AFF3: variants seen among roughly 807,000 people sequenced by gnomAD.
AFF3 encodes ALF transcription elongation factor 3, also known as AF4/FMR2 family member 3.
In AFF3, 32 loss-of-function variants were observed where a neutral mutation model predicts 129.7. The observed-to-expected ratio is 0.25, with a 90% confidence interval of 0.19 to 0.33. AFF3 has a LOEUF of 0.33. Among genes scored for constraint, AFF3 ranks in the 10% least tolerant of loss-of-function variants. AFF3 has a pLI of 1.00. For missense variants in AFF3, 1,373 were observed against 1,592.0 expected, an observed-to-expected ratio of 0.86 and a Z score of 2.34; for synonymous variants, 644 against 635.4, an observed-to-expected ratio of 1.01 and a Z score of -0.20.
chr2:99,807,498 C>T (rs1686445070), intron 8 of AFF3, among the ~76,000 whole-genome samples: 1 of 152,048 alleles, frequency 6.6e-6, no homozygotes, highest in African/African-American at 2.4e-5. Context: ...ATATTGAGTC[C>T]CAATTCATAA....
chr2:100,051,100 C>T (rs1030218739), intron 4 of AFF3, among the ~76,000 whole-genome samples: 1 of 152,156 alleles, frequency 6.6e-6, no homozygotes, highest in African/African-American at 2.4e-5. Flanking sequence ...GATTTCTCCC[C>T]ACGGCAAAGC....
chr2:99,964,325 G>A (rs1216084173), intron 7 of AFF3, among the ~76,000 whole-genome samples: 2 of 152,230 alleles, frequency 1.3e-5, no homozygotes, highest in Admixed American at 6.5e-5. Context: ...TTCATGGAAC[G>A]AATGTTCATC....
intron 7 of AFF3, among the ~76,000 whole-genome samples, chr2:99,867,737 G>C (rs1340216893): frequency 6.6e-6 from 1 of 152,154 alleles, no homozygotes; most frequent in Non-Finnish European, 1.5e-5. Flanking sequence ...AAGCAGAGTG[G>C]AGTGGAGGGG....
chr2:99,921,850 C>T (rs958759818), intron 7 of AFF3, among the ~76,000 whole-genome samples: 3 of 152,064 alleles, frequency 2.0e-5, no homozygotes, highest in African/African-American at 4.8e-5. Flanking sequence ...AAAAACCACT[C>T]TGGTACTCAA....
intron 8 of AFF3, among the ~76,000 whole-genome samples, chr2:99,820,851 A>C (rs1225170645): frequency 1.4e-5 from 2 of 145,128 alleles, no homozygotes; most frequent in Non-Finnish European, 3.0e-5. Context: ...CATCAATATC[A>C]CTGTCTTCTC....
chr2:99,754,110 C>T (rs1047855355), intron 8 of AFF3, among the ~76,000 whole-genome samples: 1 of 152,182 alleles, frequency 6.6e-6, no homozygotes, highest in Non-Finnish European at 1.5e-5. Context: ...TACCTTGGCT[C>T]CCCCATAGGG....
intron 7 of AFF3, among the ~76,000 whole-genome samples, chr2:99,987,354 T>A (rs1004952551): frequency 6.6e-6 from 1 of 152,188 alleles, no homozygotes; most frequent in East Asian, 1.9e-4. Flanking sequence ...AGATGAGTGT[T>A]CAGCTCTCAA....
At chr2:99,756,972 C>G (rs1682154269) in intron 8 of AFF3, among the ~76,000 whole-genome samples, 1 of 152,236 alleles carries the variant, frequency 6.6e-6, no homozygotes, top group African/African-American at 2.4e-5. Context: ...CTTCTGTTGT[C>G]AAGGGCATTG....
At chr2:99,696,568 G>T (rs1271684286) in intron 11 of AFF3, among the ~76,000 whole-genome samples, 1 of 152,134 alleles carries the variant, frequency 6.6e-6, no homozygotes, top group African/African-American at 2.4e-5. Context: ...ATTAGACATG[G>T]TCTCTGGAAG....
rs1685296330 is a variant in AFF3 at position 100,040,079 on chromosome 2, T to A, written c.54-31147A>T. Among the ~76,000 whole-genome samples the A allele has an allele frequency of 2.6e-5, 4 of 152,362 alleles. No individual in the cohort carries two copies. In the East Asian group the frequency reaches 7.7e-4, roughly 29 times the overall value. On this transcript the variant is annotated intron_variant, in intron 4 of 24. Coordinates refer to ENST00000672756, the MANE Select transcript of AFF3 (RefSeq NM_001386135.1). ...AGGACTGCAAAACCCAGTAACAGCA[T>A]GTGCCATGCTTCCTCACTGGAATTT... is the stretch of plus-strand genomic sequence containing the variant.
chr2:99,934,688 G>A (rs1352300484), intron 7 of AFF3, among the ~76,000 whole-genome samples: 1 of 152,150 alleles, frequency 6.6e-6, no homozygotes, highest in East Asian at 1.9e-4. Flanking sequence ...CACTGGGAAG[G>A]GGCACTTCCA....
intron 4 of AFF3, among the ~76,000 whole-genome samples, chr2:100,039,815 T>C (rs1482006757): frequency 1.3e-5 from 2 of 152,288 alleles, no homozygotes; most frequent in South Asian, 2.1e-4. Flanking sequence ...CCTGAGGTGA[T>C]TGCCTGTCGC....
intron 4 of AFF3, among the ~76,000 whole-genome samples, chr2:100,036,133 C>CT (rs1194352297): frequency 1.5e-5 from 1 of 68,858 alleles, no homozygotes; most frequent in Non-Finnish European, 2.6e-5. Context: ...AAATACAGTG[C>CT]TAAAAAAAAA....
At chr2:99,885,135 C>T (rs1262749435) in intron 7 of AFF3, among the ~76,000 whole-genome samples, 1 of 152,204 alleles carries the variant, frequency 6.6e-6, no homozygotes, top group African/African-American at 2.4e-5. Flanking sequence ...GCCCTGCCCT[C>T]AGCCTTCTCA....
intron 7 of AFF3, among the ~76,000 whole-genome samples, chr2:99,841,731 A>G (rs1281204074): frequency 6.6e-6 from 1 of 152,204 alleles, no homozygotes; most frequent in Admixed American, 6.5e-5. Flanking sequence ...GCCATGGCTC[A>G]GAGAAGTGAA....
At chr2:99,913,291 T>C (rs1695234648) in intron 7 of AFF3, among the ~76,000 whole-genome samples, 1 of 152,214 alleles carries the variant, frequency 6.6e-6, no homozygotes, top group Non-Finnish European at 1.5e-5. Context: ...TATTCTGATA[T>C]TGATCAAATA....
intron 10 of AFF3, among the ~76,000 whole-genome samples, chr2:99,743,236 C>T (rs984983107): frequency 5.3e-5 from 8 of 152,196 alleles, no homozygotes; most frequent in African/African-American, 1.9e-4. Context: ...TCTCTAGCTG[C>T]GCATGAAAAT....
rs1366345886 is a variant in AFF3, at chr2:99,550,378, A to G, written c.*1096T>C. On this transcript the variant is annotated 3_prime_UTR_variant, in exon 25 of 25. Transcript: ENST00000672756. ...ACGCATCAAAGGGCTGCAGGTGCAC[A>G]TTCTGCATGAGGAGTGAGAGAATCA... 1 of 230,130 alleles carries G rather than the reference A, an allele frequency of 4.3e-6. No individual in the cohort carries two copies. Among genetic ancestry groups the G allele is most frequent in the African/African-American group, 2.2e-5 (1 of 45,166 alleles). 14.3% of individuals were successfully genotyped at this position (230,130 alleles called of 1,614,324 possible). A position where few individuals can be genotyped will look rare whatever the true frequency, so the allele number is the denominator to read the frequency against.
At chr2:99,976,241 C>T (rs1306832800) in intron 7 of AFF3, among the ~76,000 whole-genome samples, 3 of 152,156 alleles carry the variant, frequency 2.0e-5, no homozygotes, top group Non-Finnish European at 4.4e-5. Context: ...CTCTTTTACT[C>T]TACCCCTTTA....
Sources: gnomAD v4.1 joint callset for allele counts (sites outside exome capture counted in the v4.1 genomes callset) on GRCh38, gnomAD v4.1.1 for gene constraint, MANE v1.5 for transcripts, NCBI Gene and HGNC (gene_info 2026-07-23, HGNC 2026-07-21) for gene names.